The following CMSS1 variants were observed in gnomAD, a reference collection of about 807,000 sequenced individuals.
CMSS1 encodes the protein protein CMSS1.
In CMSS1, 33 loss-of-function variants were observed where a neutral mutation model predicts 43.5. That is an observed-to-expected ratio of 0.76 (90% CI 0.57 to 1.01). The LOEUF (loss-of-function observed/expected upper bound fraction) is 1.01. CMSS1 is among the 50% of genes least tolerant of loss of function. The pLI is 0.00. For synonymous variants in CMSS1, 115 were observed against 117.2 expected, an observed-to-expected ratio of 0.98 and a Z score of 0.12; for missense variants, 313 against 326.4, an observed-to-expected ratio of 0.96 and a Z score of 0.32.
At chr3:99,982,977 C>G (rs1253903404) in intron 1 of CMSS1, among the ~76,000 whole-genome samples, 1 of 151,988 alleles carries the variant, frequency 6.6e-6, no homozygotes, top group Non-Finnish European at 1.5e-5. Context: ...GGGCGAATGT[C>G]TTTGAGGTGC....
chr3:99,959,145 C>G (rs1576601502), intron 1 of CMSS1, among the ~76,000 whole-genome samples: 1 of 151,950 alleles, frequency 6.6e-6, no homozygotes, highest in East Asian at 1.9e-4. Flanking sequence ...TTTTCCCAAA[C>G]TTTATTTTTA....
At chr3:99,964,840 G>T (rs1188463364) in intron 1 of CMSS1, among the ~76,000 whole-genome samples, 2 of 152,070 alleles carry the variant, frequency 1.3e-5, no homozygotes, top group South Asian at 4.1e-4. Context: ...TATGCTCCCT[G>T]TAACTGTGGA....
At chr3:99,978,406 G>A (rs913775009) in intron 1 of CMSS1, among the ~76,000 whole-genome samples, 6 of 151,924 alleles carry the variant, frequency 3.9e-5, no homozygotes, top group Non-Finnish European at 7.4e-5. Context: ...ATAGATGAAT[G>A]GATAAAGAAA....
chr3:99,875,810 G>C (rs982064557), intron 1 of CMSS1, among the ~76,000 whole-genome samples: 5 of 152,170 alleles, frequency 3.3e-5, no homozygotes, highest in African/African-American at 4.8e-5. Context: ...CACTTGGAAA[G>C]CGTATGTAAT....
At chr3:100,096,653 AG>A (rs1164472587) in intron 1 of CMSS1, among the ~76,000 whole-genome samples, 2 of 151,898 alleles carry the variant, frequency 1.3e-5, no homozygotes, top group African/African-American at 4.8e-5. Context: ...GGGTTAGTTA[AG>A]GAGTACAAAA....
chr3:99,894,071 T>C (rs887366620), intron 1 of CMSS1, among the ~76,000 whole-genome samples: 1 of 152,208 alleles, frequency 6.6e-6, no homozygotes, highest in Non-Finnish European at 1.5e-5. Context: ...AAATTTTCTT[T>C]CCTCTCTGCT....
At chr3:99,821,936 C>T (rs1353142088) in intron 1 of CMSS1, among the ~76,000 whole-genome samples, 3 of 152,100 alleles carry the variant, frequency 2.0e-5, no homozygotes, top group African/African-American at 4.8e-5. Flanking sequence ...GTCCCAGCTA[C>T]TCAGGAGGCT....
intron 2 of CMSS1, among the ~76,000 whole-genome samples, chr3:100,154,287 G>T (rs576833207): frequency 4.0e-4 from 61 of 151,986 alleles, no homozygotes; most frequent in African/African-American, 1.4e-3. Context: ...TATTTATGGG[G>T]TACATAGTGA....
At chr3:99,846,360 C>G (rs908722409) in intron 1 of CMSS1, among the ~76,000 whole-genome samples, 2 of 152,168 alleles carry the variant, frequency 1.3e-5, no homozygotes, top group Middle Eastern at 3.2e-3. Flanking sequence ...TTGATCGATG[C>G]CTTCCAAAAT....
intron 1 of CMSS1, among the ~76,000 whole-genome samples, chr3:99,834,121 A>AT (rs1273867261): frequency 2.0e-5 from 3 of 152,226 alleles, no homozygotes; most frequent in Admixed American, 6.5e-5. Context: ...AAATTTCATA[A>AT]TGATGCTTTG....
rs191626677 is a variant in CMSS1 at position 100,141,187 on chromosome 3, C to T, written c.65-5786C>T. ...TGTGTCATGATCTACACCCTCTAGC[C>T]TTGCCCACTTTGTGTCAGAATGTCT... On this transcript the variant is annotated intron_variant, in intron 1 of 9. Coordinates refer to ENST00000421999, the MANE Select transcript of CMSS1 (RefSeq NM_032359.4). 3.6e-3 allele frequency among the ~76,000 whole-genome samples: 542 copies of T among 152,302 alleles called. 2 individuals are homozygous for T. Among genetic ancestry groups the T allele is most frequent in the African/African-American group, 0.012 (516 of 41,556 alleles).
At chr3:100,005,611 T>C (rs545629423) in intron 1 of CMSS1, among the ~76,000 whole-genome samples, 2 of 152,364 alleles carry the variant, frequency 1.3e-5, no homozygotes, top group Non-Finnish European at 2.9e-5. Context: ...GATTCTAAAG[T>C]TAAATTGTAT....
At chr3:100,038,820 C>T (rs2065153877) in intron 1 of CMSS1, among the ~76,000 whole-genome samples, 1 of 152,122 alleles carries the variant, frequency 6.6e-6, no homozygotes, top group East Asian at 1.9e-4. Flanking sequence ...TGTACTGATA[C>T]AGCAGGATCT....
chr3:99,888,292 G>A (rs1427408184), intron 1 of CMSS1, among the ~76,000 whole-genome samples: 2 of 152,018 alleles, frequency 1.3e-5, no homozygotes, highest in Non-Finnish European at 2.9e-5. Context: ...CTTGAACCTG[G>A]AAGGTTGAGG....
chr3:100,160,785 T>G (rs753031132), intron 3 of CMSS1, among the ~76,000 whole-genome samples: 14 of 152,226 alleles, frequency 9.2e-5, no homozygotes, highest in Non-Finnish European at 1.3e-4. Flanking sequence ...CATAGATTTC[T>G]AATTCTAGAA....
intron 1 of CMSS1, among the ~76,000 whole-genome samples, chr3:99,908,502 T>C (rs1706692307): frequency 6.6e-6 from 1 of 152,214 alleles, no homozygotes; most frequent in African/African-American, 2.4e-5. Flanking sequence ...CCCCAGGCAA[T>C]AATGATGATC....
chr3:100,166,202 T>A, intron 4 of CMSS1, 133 bp from the exon 5 acceptor site: 1 of 594,236 alleles, frequency 1.7e-6, no homozygotes. Flanking sequence ...GGCAACACTT[T>A]AAGATATAAA....
intron 1 of CMSS1, among the ~76,000 whole-genome samples, chr3:99,928,191 C>A (rs1707357493): frequency 6.6e-6 from 1 of 152,166 alleles, no homozygotes; most frequent in South Asian, 2.1e-4. Context: ...TTTCTTCAGC[C>A]CTGTGTAGGA....
At chr3:100,132,656 A>C (rs997102453) in intron 1 of CMSS1, among the ~76,000 whole-genome samples, 1 of 151,758 alleles carries the variant, frequency 6.6e-6, no homozygotes, top group Admixed American at 6.6e-5. Flanking sequence ...CGTCTCTACT[A>C]AAAATACAAA....
Sources: allele counts gnomAD v4.1 joint callset (sites outside exome capture counted in the v4.1 genomes callset), GRCh38; gene constraint gnomAD v4.1.1; transcripts MANE v1.5; gene names NCBI Gene and HGNC (gene_info 2026-07-23, HGNC 2026-07-21).